PATJ: variants seen among roughly 807,000 people sequenced by gnomAD.
The protein encoded by PATJ is inaD-like protein.
In PATJ, 190 loss-of-function variants were observed where a neutral mutation model predicts 224.9. That is an observed-to-expected ratio of 0.84 (90% CI 0.75 to 0.95). PATJ has a LOEUF of 0.95. Among genes scored for constraint, PATJ ranks in the 40% least tolerant of loss-of-function variants. The pLI is 0.00. For missense variants in PATJ, 2,121 were observed against 2,270.3 expected (o/e 0.93, Z 1.34); for synonymous variants, 769 against 820.3 (o/e 0.94, Z 1.07).
chr1:62,113,917 G>T, intron 34 of PATJ, 136 bp from the exon 35 acceptor site: 1 of 771,788 alleles, frequency 1.3e-6, no homozygotes. Context: ...ACTGCTTGTG[G>T]TCACTACCTG....
chr1:62,032,241 G>A (rs77178273), intron 29 of PATJ, among the ~76,000 whole-genome samples: 3,116 of 152,200 alleles, frequency 0.02, 85 homozygotes, highest in African/African-American at 0.065. Context: ...AGCTCCTAGA[G>A]GTCCCCCACA....
intron 43 of PATJ, among the ~76,000 whole-genome samples, chr1:62,154,487 C>A (rs111378024): frequency 6.6e-6 from 1 of 151,758 alleles, no homozygotes; most frequent in Admixed American, 6.6e-5. Flanking sequence ...ATGGCAAAAC[C>A]CGTCTTTACT....
chr1:61,916,663 G>A (rs536587378), intron 26 of PATJ, among the ~76,000 whole-genome samples: 3 of 152,202 alleles, frequency 2.0e-5, no homozygotes, highest in South Asian at 2.1e-4. Context: ...AAATGCAGTC[G>A]ATTTATCAAG....
chr1:61,977,137 G>A (rs1449560715), intron 27 of PATJ, among the ~76,000 whole-genome samples: 1 of 152,070 alleles, frequency 6.6e-6, no homozygotes, highest in Non-Finnish European at 1.5e-5. Context: ...GCTCGGGCTG[G>A]AGTGTAGTGG....
chr1:62,019,349 A>G (rs1232012543), intron 29 of PATJ, among the ~76,000 whole-genome samples: 2 of 151,710 alleles, frequency 1.3e-5, no homozygotes, highest in African/African-American at 4.8e-5. Context: ...CAACATGGTG[A>G]AACCCTGTCT....
intron 35 of PATJ, 83 bp downstream of exon 35, chr1:62,114,329 TGTAAA>T (rs1664215504): frequency 8.6e-7 from 1 of 1,167,828 alleles, no homozygotes; most frequent in Non-Finnish European, 1.2e-6. Flanking sequence ...GAAAGCCTAA[TGTAAA>T]GTAGTGATGG....
chr1:61,918,579 A>G (rs1229298540), intron 26 of PATJ, among the ~76,000 whole-genome samples: 2 of 152,050 alleles, frequency 1.3e-5, no homozygotes, highest in Non-Finnish European at 2.9e-5. Context: ...TCAAAGTGCT[A>G]GGATTACAGG....
At chr1:62,084,432 C>T in intron 32 of PATJ, 83 bp from the exon 33 acceptor site, 5 of 1,426,692 alleles carry the variant, frequency 3.5e-6, no homozygotes, top group Non-Finnish European at 4.7e-6. Context: ...CACATGCAAG[C>T]CCCACACTCC....
intron 1 of PATJ, among the ~76,000 whole-genome samples, chr1:61,756,395 C>A (rs1645638984): frequency 6.6e-6 from 1 of 151,944 alleles, no homozygotes; most frequent in South Asian, 2.1e-4. Context: ...AGAGAACTTG[C>A]TAGAAATGCA....
intron 6 of PATJ, among the ~76,000 whole-genome samples, chr1:61,772,274 G>C (rs1032428496): frequency 1.3e-5 from 2 of 152,118 alleles, no homozygotes; most frequent in Middle Eastern, 3.4e-3. Flanking sequence ...GAGATTTACT[G>C]TTGAGTGTTT....
chr1:61,790,316 A>G (rs779993774), intron 8 of PATJ, among the ~76,000 whole-genome samples: 1 of 151,844 alleles, frequency 6.6e-6, no homozygotes, highest in Non-Finnish European at 1.5e-5. Context: ...ATTTATGTTC[A>G]TAGTTCTTTC....
intron 27 of PATJ, among the ~76,000 whole-genome samples, chr1:61,940,379 A>G (rs556318491): frequency 2.8e-4 from 43 of 152,320 alleles, no homozygotes; most frequent in African/African-American, 9.9e-4. Flanking sequence ...TATTATCAGT[A>G]GTAATATAAA....
At chr1:61,974,444 G>A (rs147227818) in intron 27 of PATJ, among the ~76,000 whole-genome samples, 6,655 of 104,544 alleles carry the variant, frequency 0.064, 646 homozygotes, top group African/African-American at 0.23. Context: ...ATAGAGTTTC[G>A]CTCTTGTTGC....
intron 14 of PATJ, among the ~76,000 whole-genome samples, chr1:61,811,850 A>G (rs57248449): frequency 0.045 from 6,820 of 151,290 alleles, 212 homozygotes; most frequent in East Asian, 0.12. Context: ...TCACGAGGTC[A>G]GGAGATCGAG....
At position 61,951,099 on chromosome 1, in the gene PATJ, C is replaced by T. The variant is rs554620525; in HGVS notation, c.3670+23270C>T. Among the ~76,000 whole-genome samples, 183 of 151,602 alleles carry T rather than the reference C, an allele frequency of 1.2e-3. No homozygotes were observed. The Middle Eastern group carries it at 0.014, about 11-fold the overall frequency. On this transcript the variant is annotated intron_variant, in intron 27 of 43. Transcript: ENST00000642238. ...AGGTGGAGTTGCAGTAAGCCAAGGT[C>T]GCGCCTCTGCACTTCAGCCTGGGCA... is the stretch of plus-strand genomic sequence containing the variant.
Position 62,084,513 on chromosome 1 carries a change from A to C in PATJ, c.4244-2A>C, listed in dbSNP as rs376586839. 6.2e-7 allele frequency: 1 copy of C among 1,608,062 alleles called. No homozygotes were observed. The highest frequency in any genetic ancestry group is 8.5e-7 in the Non-Finnish European group (1 of 1,178,188). On this transcript the variant is annotated splice_acceptor_variant, in intron 32 of 43. Coordinates refer to ENST00000642238, the MANE Select transcript of PATJ (RefSeq NM_001350145.3). LOFTEE classifies it high-confidence loss of function. ...GTCATGCTGTGTTCAATTCTTTTCC[A>C]GGTGGTTTCCAGGCTCCTCTGTCAG...
chr1:62,039,873 A>G (rs1406731445), intron 30 of PATJ, among the ~76,000 whole-genome samples: 1 of 152,054 alleles, frequency 6.6e-6, no homozygotes, highest in East Asian at 1.9e-4. Flanking sequence ...CTTCTTGTGC[A>G]GGACTAGGCC....
At chr1:62,149,184 T>TGAA (rs1668380427) in intron 42 of PATJ, among the ~76,000 whole-genome samples, 1 of 64,690 alleles carries the variant, frequency 1.5e-5, no homozygotes, top group African/African-American at 8.7e-5. Flanking sequence ...AAGATGCGAA[T>TGAA]TCCCAGGCCA....
intron 31 of PATJ, chr1:62,054,379 A>G (rs1179858735): frequency 1.1e-5 from 5 of 436,870 alleles, no homozygotes; most frequent in Admixed American, 5.0e-5. Context: ...AAAAAAAGTT[A>G]TTTTCAGAGC....
Sources: allele counts gnomAD v4.1 joint callset (sites outside exome capture counted in the v4.1 genomes callset), GRCh38; gene constraint gnomAD v4.1.1; transcripts MANE v1.5; gene names NCBI Gene and HGNC (gene_info 2026-07-23, HGNC 2026-07-21).